The following NDUFAF7 variants were observed in gnomAD, a reference collection of about 807,000 sequenced individuals.
NDUFAF7 encodes protein arginine methyltransferase NDUFAF7, mitochondrial.
A neutral mutation model predicts 47.2 loss-of-function variants in NDUFAF7; 48 were observed. The observed-to-expected ratio is 1.02, with a 90% CI of 0.81 to 1.29. The LOEUF is 1.29. Ranked by LOEUF, NDUFAF7 falls within the 50% of genes most tolerant of loss-of-function variation. The pLI, the probability that NDUFAF7 is intolerant of heterozygous loss-of-function variation, is 0.00. For synonymous variants in NDUFAF7, 217 were observed against 190.0 expected (o/e 1.14, Z -1.17); for missense variants, 635 against 537.6 (o/e 1.18, Z -1.79).
chr2:37,269,495 C>T, the NDUFAF7 span: 1 of 781,988 alleles, frequency 1.3e-6, no homozygotes, highest in Non-Finnish European at 2.2e-6. Flanking sequence ...GATAACAAGT[C>T]AGCCTTTAAA....
At chr2:37,265,459 A>G in the NDUFAF7 span, among the ~76,000 whole-genome samples, 7 of 152,180 alleles carry the variant, frequency 4.6e-5, no homozygotes, top group African/African-American at 1.4e-4. Context: ...ATATTCATAT[A>G]CAAAGTTAGC....
the NDUFAF7 span, chr2:37,259,702 CT>C: frequency 6.5e-7 from 1 of 1,545,228 alleles, no homozygotes; most frequent in South Asian, 1.1e-5. Context: ...AAAAGATTTT[CT>C]TTTCAATGTC....
chr2:37,242,271 G>T (rs1170090278), intron 5 of NDUFAF7: 1 of 261,922 alleles, frequency 3.8e-6, no homozygotes, highest in Non-Finnish European at 7.3e-6. Context: ...GTGGGGGTAC[G>T]ATCTTGGGTA....
chr2:37,257,043 T>A (rs1218925387), downstream of NDUFAF7: 19 of 1,147,180 alleles, frequency 1.7e-5, no homozygotes, highest in Admixed American at 1.7e-4. Flanking sequence ...CTCTACTGAT[T>A]ATGAATATTA....
the NDUFAF7 span, among the ~76,000 whole-genome samples, chr2:37,262,626 A>G: frequency 6.6e-6 from 1 of 152,318 alleles, no homozygotes; most frequent in Admixed American, 6.5e-5. Flanking sequence ...TTTTATCAAC[A>G]GAGGTTGAAA....
rs138432309 is a variant in NDUFAF7, at chr2:37,239,279, C to T, written c.408+1412C>T. 4.2e-3 allele frequency among the ~76,000 whole-genome samples: 634 copies of T among 152,092 alleles called. 3 individuals carry two copies. The highest frequency in any genetic ancestry group is 0.014 in the African/African-American group (575 of 41,498). On this transcript the variant is annotated intron_variant, in intron 4 of 9. Transcript: ENST00000002125. ...GATAATAGGCGTGGATCACTACACC[C>T]GGCTAATTTTTTTATTTTTAGTAGA...
At chr2:37,268,155 ATTTG>A in the NDUFAF7 span, 4 of 357,420 alleles carry the variant, frequency 1.1e-5, no homozygotes, top group Non-Finnish European at 1.7e-5. Flanking sequence ...TATTTTTGGT[ATTTG>A]TTCTTCAAAT....
downstream of NDUFAF7, among the ~76,000 whole-genome samples, chr2:37,254,861 T>C (rs1001055845): frequency 1.3e-5 from 2 of 152,192 alleles, no homozygotes; most frequent in African/African-American, 4.8e-5. Context: ...TTTTAACAAA[T>C]AGGTTTCAGG....
At chr2:37,234,372 G>A (rs909213387) in intron 2 of NDUFAF7, among the ~76,000 whole-genome samples, 9 of 152,306 alleles carry the variant, frequency 5.9e-5, no homozygotes, top group African/African-American at 2.2e-4. Flanking sequence ...GATTACAGGT[G>A]TGAGCCACTG....
At chr2:37,271,189 ATAACAATT>A in the NDUFAF7 span, among the ~76,000 whole-genome samples, 1 of 152,218 alleles carries the variant, frequency 6.6e-6, no homozygotes, top group Non-Finnish European at 1.5e-5. Flanking sequence ...GAAATTATAT[ATAACAATT>A]TAACAATTTT....
chr2:37,256,729 T>G, downstream of NDUFAF7: 2 of 1,613,446 alleles, frequency 1.2e-6, no homozygotes, highest in Non-Finnish European at 8.5e-7. Context: ...TTTGGTCATT[T>G]ATATCTTCAT....
the NDUFAF7 span, chr2:37,260,138 C>G: frequency 2.4e-6 from 3 of 1,263,142 alleles, no homozygotes; most frequent in Non-Finnish European, 3.3e-6. Flanking sequence ...CACTCCAGCC[C>G]AGGTGACAGA....
At chr2:37,259,610 C>G in the NDUFAF7 span, 1 of 1,613,032 alleles carries the variant, frequency 6.2e-7, no homozygotes, top group East Asian at 2.2e-5. Flanking sequence ...CTGATGCAAG[C>G]AGCACATTTT....
At chr2:37,240,123 G>C (rs1030956995) in intron 4 of NDUFAF7, among the ~76,000 whole-genome samples, 16 of 152,118 alleles carry the variant, frequency 1.1e-4, no homozygotes, top group African/African-American at 3.6e-4. Flanking sequence ...ATATGTACTT[G>C]ACAATTCAAT....
chr2:37,266,272 A>G, the NDUFAF7 span, among the ~76,000 whole-genome samples: 2 of 152,344 alleles, frequency 1.3e-5, no homozygotes, highest in East Asian at 3.9e-4. Flanking sequence ...TCAAGTTCAG[A>G]AGGAGGCTGT....
chr2:37,267,118 A>G, the NDUFAF7 span, among the ~76,000 whole-genome samples: 2 of 152,254 alleles, frequency 1.3e-5, no homozygotes, highest in Admixed American at 6.5e-5. Context: ...AGTAATTGCT[A>G]TGACAAGCAT....
rs1665733331 is a variant in NDUFAF7 at position 37,236,173 on chromosome 2, G to A, written c.294G>A (p.Gly98=). 1 of 1,602,748 alleles carries A rather than the reference G, an allele frequency of 6.2e-7. No homozygotes were observed. Among genetic ancestry groups the A allele is most frequent in the African/African-American group, 1.3e-5 (1 of 74,610 alleles). ...CACCTGAAATAAGTCAAATCTTTGG[G>A]GAGGTAATATACTATGTAAAGTATG... ...ITSPEISQIF[G]ELLGIWFISE... is the part of the protein sequence containing the mutation. The change falls in exon 3 of 10, where the codon GGG becomes GGA. Residue 98 remains glycine (G), a synonymous_variant. Coordinates refer to ENST00000002125, the MANE Select transcript of NDUFAF7 (RefSeq NM_144736.5).
downstream of NDUFAF7, among the ~76,000 whole-genome samples, chr2:37,254,500 C>T (rs1204784263): frequency 6.6e-6 from 1 of 152,154 alleles, no homozygotes; most frequent in Non-Finnish European, 1.5e-5. Context: ...CTTTATAAGG[C>T]AGTATAGAGT....
At chr2:37,247,363 A>G (rs898076591) in intron 8 of NDUFAF7, 93 bp from the exon 9 acceptor site, 3 of 1,436,962 alleles carry the variant, frequency 2.1e-6, no homozygotes, top group African/African-American at 2.9e-5. Context: ...CACCTCAAGC[A>G]TTAATGTAAA....
Sources: gnomAD v4.1 joint callset for allele counts (sites outside exome capture counted in the v4.1 genomes callset) on GRCh38, gnomAD v4.1.1 for gene constraint, MANE v1.5 for transcripts, NCBI Gene and HGNC (gene_info 2026-07-23, HGNC 2026-07-21) for gene names.